ANO1: variants seen among roughly 807,000 people sequenced by gnomAD.
The protein encoded by ANO1 is anoctamin-1.
A neutral mutation model predicts 124.0 loss-of-function variants in ANO1; 59 were observed. The ratio of observed to expected loss-of-function variants is 0.48; its 90% CI spans 0.39 to 0.59. ANO1 has a LOEUF of 0.59. ANO1 is among the 20% of genes least tolerant of loss of function. The probability of loss-of-function intolerance (pLI) is 0.00; values close to 1 mark genes in which losing one functional copy is unlikely to be tolerated. For synonymous variants in ANO1, 529 were observed against 532.0 expected (o/e 0.99, Z 0.08); for missense variants, 1,059 against 1,328.0 (o/e 0.80, Z 3.15).
chr11:69,996,288 C>T (rs1856270653), intron 1 of ANO1, among the ~76,000 whole-genome samples: 1 of 152,172 alleles, frequency 6.6e-6, no homozygotes, highest in Non-Finnish European at 1.5e-5. Flanking sequence ...CAGCATTCCT[C>T]ATTCCTAACT....
At chr11:70,169,831 G>T in intron 21 of ANO1, 1 of 225,162 alleles carries the variant, frequency 4.4e-6, no homozygotes, top group Non-Finnish European at 9.1e-6. Context: ...CCCACACTCA[G>T]CCCGCCAGGC....
chr11:70,130,070 C>A (rs1323855877), intron 10 of ANO1, among the ~76,000 whole-genome samples: 1 of 152,158 alleles, frequency 6.6e-6, no homozygotes, highest in Non-Finnish European at 1.5e-5. Flanking sequence ...AGGCATGGTT[C>A]TGCGCATAAG....
chr11:69,975,899 A>G, the ANO1 span, among the ~76,000 whole-genome samples: 1 of 152,206 alleles, frequency 6.6e-6, no homozygotes, highest in Non-Finnish European at 1.5e-5. Context: ...AGGTGGGGAC[A>G]AAACACTCAT....
At chr11:70,157,366 CAAAA>C (rs529445782) in intron 16 of ANO1, among the ~76,000 whole-genome samples, 1 of 98,110 alleles carries the variant, frequency 1.0e-5, no homozygotes, top group African/African-American at 4.2e-5. Flanking sequence ...GACTCTGTCT[CAAAA>C]AAAAAAAAAA....
intron 1 of ANO1, among the ~76,000 whole-genome samples, chr11:70,024,962 A>G (rs1856866246): frequency 6.6e-6 from 1 of 152,234 alleles, no homozygotes; most frequent in Non-Finnish European, 1.5e-5. Flanking sequence ...GGTGGGACAG[A>G]CAGCTGCAAG....
intron 1 of ANO1, among the ~76,000 whole-genome samples, chr11:70,062,567 T>G (rs1303144308): frequency 2.0e-5 from 3 of 151,810 alleles, no homozygotes; most frequent in Admixed American, 6.6e-5. Flanking sequence ...TGGGGGAGGG[T>G]TCAGGAGCTG....
intron 8 of ANO1, among the ~76,000 whole-genome samples, chr11:70,123,448 C>A (rs1431071284): frequency 1.3e-5 from 2 of 152,218 alleles, no homozygotes; most frequent in Non-Finnish European, 2.9e-5. Flanking sequence ...GGAGATGGCT[C>A]ACACTCACTT....
chr11:70,062,993 A>G (rs1425085127), intron 1 of ANO1, among the ~76,000 whole-genome samples: 1 of 152,028 alleles, frequency 6.6e-6, no homozygotes, highest in African/African-American at 2.4e-5. Context: ...ACAGTGGTGC[A>G]ATCTCGGCTC....
At position 70,087,948 on chromosome 11, in the gene ANO1, C is replaced by T. The variant is rs1158620064; in HGVS notation, c.305C>T (p.Pro102Leu). Residue 102 changes from proline (P) to leucine (L), a missense_variant, in exon 2 of 26, where the codon CCG becomes CTG. Coordinates refer to ENST00000355303, the MANE Select transcript of ANO1 (RefSeq NM_018043.7). The stretch of plus-strand genomic sequence containing the variant: ...AGCGTCAAGCAGGACCACCCCCTGC[C>T]GGGCAAGGGGGCGTCGCTGGATGCA... The part of the protein sequence containing the change: ...ARSVKQDHPL[P>L]GKGASLDAGS... 3.8e-6 allele frequency: 6 copies of T among 1,599,308 alleles called. No individual in the cohort carries two copies. Among genetic ancestry groups the T allele is most frequent in the African/African-American group, 1.3e-5 (1 of 74,650 alleles).
At chr11:70,058,146 TA>T (rs1365552521) in intron 1 of ANO1, among the ~76,000 whole-genome samples, 1 of 152,094 alleles carries the variant, frequency 6.6e-6, no homozygotes, top group East Asian at 1.9e-4. Context: ...ATTGAGAAAC[TA>T]AACAGAAGAC....
chr11:70,168,261 C>T (rs1407016000), intron 21 of ANO1, among the ~76,000 whole-genome samples: 1 of 152,158 alleles, frequency 6.6e-6, no homozygotes, highest in South Asian at 2.1e-4. Flanking sequence ...AGGGCCTTTG[C>T]ACGAGATGTG....
chr11:70,101,101 G>A (rs1217126834), intron 2 of ANO1, among the ~76,000 whole-genome samples: 1 of 152,012 alleles, frequency 6.6e-6, no homozygotes, highest in Non-Finnish European at 1.5e-5. Flanking sequence ...AGAAGCATGG[G>A]ATGAAGCTGG....
At chr11:70,154,886 G>A (rs2135668299) in intron 14 of ANO1, among the ~76,000 whole-genome samples, 1 of 152,362 alleles carries the variant, frequency 6.6e-6, no homozygotes, top group Non-Finnish European at 1.5e-5. Flanking sequence ...TAACACATCG[G>A]ATGTGCACGC....
chr11:70,145,962 A>AAG (rs2047361929), intron 11 of ANO1, among the ~76,000 whole-genome samples: 1 of 131,994 alleles, frequency 7.6e-6, no homozygotes, highest in Non-Finnish European at 1.7e-5. Context: ...AAAAAAAAAA[A>AAG]AAAGAAAGAA....
intron 2 of ANO1, among the ~76,000 whole-genome samples, chr11:70,100,069 G>T (rs940309128): frequency 2.6e-5 from 4 of 152,098 alleles, no homozygotes; most frequent in African/African-American, 9.7e-5. Context: ...TCCCCACGCC[G>T]CACATTCTCC....
At chr11:70,146,959 C>G (rs2047401599) in intron 11 of ANO1, among the ~76,000 whole-genome samples, 1 of 152,154 alleles carries the variant, frequency 6.6e-6, no homozygotes, top group Non-Finnish European at 1.5e-5. Context: ...TCTGCCTCTC[C>G]CCCTCCACTG....
chr11:70,167,145 C>T lies in ANO1; in HGVS notation c.2052-97C>T, dbSNP rs2048284932. ...CTGAGCAAAAAGAGTGAAACTCTGT[C>T]TCAAAAAGAAAAAAAGACACATCAC... On this transcript the variant is annotated intron_variant, in intron 20 of 25. Coordinates refer to ENST00000355303, the MANE Select transcript of ANO1 (RefSeq NM_018043.7). The T allele has an allele frequency of 7.6e-6, 11 of 1,455,502 alleles. No individual in the cohort carries two copies. The Admixed American group carries it at 1.1e-4, about 15-fold the overall frequency. 90.2% of individuals were successfully genotyped at this position (1,455,502 alleles called of 1,614,324 possible). A position where few individuals can be genotyped will look rare whatever the true frequency, so the allele number is the denominator to read the frequency against.
Position 70,182,664 on chromosome 11 carries a change from G to A in ANO1, c.2566G>A (p.Gly856Ser), listed in dbSNP as rs772461997. 3 of 1,603,702 alleles carry A rather than the reference G, an allele frequency of 1.9e-6. No homozygotes were observed. Among genetic ancestry groups the A allele is most frequent in the Non-Finnish European group, 2.6e-6 (3 of 1,174,836 alleles). Residue 856 changes from glycine (G) to serine (S), a missense_variant, in exon 24 of 26, where the codon GGC (glycine) becomes AGC (serine). By Grantham distance (56) the Gly-to-Ser change is moderately conservative. Around this residue, in one of 2 missense-constraint regions of ANO1, gnomAD observed 809 missense variants for 1,094.9 expected, o/e 0.74. Transcript: ENST00000355303. ...GTAPNDPLDLGYEVQICRYKD... is the reference protein window; with the variant it reads ...GTAPNDPLDLSYEVQICRYKD... ...GGCCCCCAATGACCCCCTGGACCTG[G>A]GCTACGAGGTGCAGATCTGCAGGTA...
In ANO1 at chr11:70,188,824, G is replaced by A. The variant is rs1451634939; in HGVS notation, c.*820G>A. ...CCTCGGAAGCATTTCCACAGATGGT[G>A]TCAGGGTTTCAAGAAGTCTTAGGGC... On this transcript the variant is annotated 3_prime_UTR_variant, in exon 26 of 26. Transcript: ENST00000355303. 1 of 152,236 alleles carries A rather than the reference G, an allele frequency of 6.6e-6. No individual in the cohort carries two copies. The highest frequency in any genetic ancestry group is 2.4e-5 in the African/African-American group (1 of 41,350). 9.4% of individuals were successfully genotyped at this position (152,236 alleles called of 1,614,324 possible).
Sources: gnomAD v4.1 joint callset for allele counts (sites outside exome capture counted in the v4.1 genomes callset) on GRCh38, gnomAD v4.1.1 for gene constraint, gnomAD v4.1.1 regional missense constraint, MANE v1.5 for transcripts, NCBI Gene and HGNC (gene_info 2026-07-23, HGNC 2026-07-21) for gene names.